Variants in ARHGAP26 observed in about 807,000 individuals in gnomAD.
ARHGAP26 encodes Rho GTPase activating protein 26, also known as rho GTPase-activating protein 26.
ARHGAP26 carries 38 observed loss-of-function variants against 104.8 expected under a neutral mutation model. That is an observed-to-expected ratio of 0.36 (90% CI 0.28 to 0.48). The LOEUF is 0.48. Among genes scored for constraint, ARHGAP26 ranks in the 20% least tolerant of loss-of-function variants. The pLI is 0.99. For synonymous variants in ARHGAP26, 341 were observed against 340.0 expected (o/e 1.00, Z -0.03); for missense variants, 704 against 947.9 (o/e 0.74, Z 3.38).
chr5:143,180,104 G>A (rs1216009624), intron 20 of ARHGAP26, among the ~76,000 whole-genome samples: 1 of 152,082 alleles, frequency 6.6e-6, no homozygotes, highest in African/African-American at 2.4e-5. Flanking sequence ...ATTTCAGAGA[G>A]TCAGGTTTTA....
chr5:143,163,138 A>G (rs1367824280), intron 20 of ARHGAP26, among the ~76,000 whole-genome samples: 1 of 151,766 alleles, frequency 6.6e-6, no homozygotes, highest in East Asian at 1.9e-4. Context: ...AAAAGACACT[A>G]TTCGAGGCAC....
Position 143,223,460 on chromosome 5 carries a change from T to C in ARHGAP26, c.*1014T>C. 3 of 231,660 alleles carry C rather than the reference T, an allele frequency of 1.3e-5. No individual in the cohort carries two copies. The highest frequency in any genetic ancestry group is 2.6e-5 in the Non-Finnish European group (3 of 116,778). 14.4% of individuals were successfully genotyped at this position (231,660 alleles called of 1,614,324 possible). A position where few individuals can be genotyped will look rare whatever the true frequency, so the allele number is the denominator to read the frequency against. On this transcript the variant is annotated 3_prime_UTR_variant, in exon 23 of 23. Coordinates refer to ENST00000645722, the MANE Select transcript of ARHGAP26 (RefSeq NM_001135608.3). Reference sequence around the variant, plus strand: ...GTTCCTCCATGCAACTGATGTTTGTTTTTTAAAGGGTAAGATGCTGCCTCC... The same window carrying C: ...GTTCCTCCATGCAACTGATGTTTGTCTTTTAAAGGGTAAGATGCTGCCTCC...
At chr5:143,110,270 G>C (rs1200889892) in intron 17 of ARHGAP26, among the ~76,000 whole-genome samples, 1 of 152,210 alleles carries the variant, frequency 6.6e-6, no homozygotes, top group Non-Finnish European at 1.5e-5. Context: ...TCTAAGGCAG[G>C]AAACTGGAGG....
At chr5:143,158,868 A>T (rs1800840298) in intron 20 of ARHGAP26, among the ~76,000 whole-genome samples, 1 of 146,054 alleles carries the variant, frequency 6.8e-6, no homozygotes, top group Admixed American at 6.8e-5. Flanking sequence ...CCAAGATGTT[A>T]TTGTCCACAA....
chr5:142,801,078 A>G (rs143293441), intron 1 of ARHGAP26, among the ~76,000 whole-genome samples: 2 of 152,088 alleles, frequency 1.3e-5, no homozygotes, highest in Non-Finnish European at 2.9e-5. Context: ...AGGCATCTTT[A>G]ACTGCATGAT....
intron 17 of ARHGAP26, among the ~76,000 whole-genome samples, chr5:143,065,423 C>A (rs191011422): frequency 9.2e-5 from 14 of 152,106 alleles, no homozygotes; most frequent in Non-Finnish European, 1.8e-4. Flanking sequence ...GTGGCTGAAA[C>A]GTGGCAGCTG....
At chr5:143,009,077 C>T (rs140612062) in intron 11 of ARHGAP26, among the ~76,000 whole-genome samples, 4 of 152,190 alleles carry the variant, frequency 2.6e-5, no homozygotes, top group South Asian at 2.1e-4. Context: ...TACTCTCCCC[C>T]CCTGGTGTTT....
rs1178904042 is a variant in ARHGAP26 at position 143,224,521 on chromosome 5, T to C, written c.*2075T>C. 4.3e-6 allele frequency: 1 copy of C among 230,858 alleles called. No individual in the cohort carries two copies. Among genetic ancestry groups the C allele is most frequent in the African/African-American group, 2.2e-5 (1 of 45,228 alleles). The allele number at this position is 230,858 out of a possible 1,614,324, so 14.3% of individuals were successfully genotyped here. ...AAGTGGGGTCAGGCATTCGAGTTTT[T>C]GTCTTTCTTCTCAGGTGTATTTCTT... On this transcript the variant is annotated 3_prime_UTR_variant, in exon 23 of 23. Transcript: ENST00000645722.
chr5:142,781,248 C>T (rs1757442127), intron 1 of ARHGAP26, among the ~76,000 whole-genome samples: 1 of 152,182 alleles, frequency 6.6e-6, no homozygotes, highest in African/African-American at 2.4e-5. Context: ...GTTATTTTTG[C>T]CCCACCTCAC....
intron 20 of ARHGAP26, among the ~76,000 whole-genome samples, chr5:143,175,630 G>C (rs1006135981): frequency 1.3e-5 from 2 of 151,878 alleles, no homozygotes; most frequent in Admixed American, 6.6e-5. Flanking sequence ...TCAACACCTG[G>C]TCTAGAAGTT....
At chr5:142,810,395 G>A (rs1398499364) in intron 1 of ARHGAP26, among the ~76,000 whole-genome samples, 1 of 152,084 alleles carries the variant, frequency 6.6e-6, no homozygotes, top group African/African-American at 2.4e-5. Context: ...TCAGGCAGAG[G>A]GCATGACTTC....
At chr5:142,784,439 A>G (rs1175671401) in intron 1 of ARHGAP26, among the ~76,000 whole-genome samples, 1 of 152,200 alleles carries the variant, frequency 6.6e-6, no homozygotes, top group Non-Finnish European at 1.5e-5. Context: ...CGTAATTTGT[A>G]CATGAAGATG....
chr5:143,011,904 G>A (rs1055362966), intron 11 of ARHGAP26, among the ~76,000 whole-genome samples: 2 of 152,160 alleles, frequency 1.3e-5, no homozygotes, highest in African/African-American at 4.8e-5. Flanking sequence ...CAAAGCGCTT[G>A]CATTGTGTTG....
At chr5:142,841,158 G>C (rs939801195) in intron 1 of ARHGAP26, among the ~76,000 whole-genome samples, 2 of 152,044 alleles carry the variant, frequency 1.3e-5, no homozygotes, top group Admixed American at 1.3e-4. Flanking sequence ...TATCAGCCTC[G>C]GGGGTCTGGG....
chr5:142,806,920 C>T (rs1345582032), intron 1 of ARHGAP26, among the ~76,000 whole-genome samples: 2 of 152,172 alleles, frequency 1.3e-5, no homozygotes, highest in South Asian at 2.1e-4. Flanking sequence ...GGAGGCTCTG[C>T]ACCAACTGTA....
At chr5:142,782,100 C>T (rs1757633530) in intron 1 of ARHGAP26, among the ~76,000 whole-genome samples, 1 of 152,164 alleles carries the variant, frequency 6.6e-6, no homozygotes, top group African/African-American at 2.4e-5. Flanking sequence ...GAAGGGATGA[C>T]AGAGGAGTTA....
At chr5:142,901,836 T>A (rs1760385141) in intron 6 of ARHGAP26, 99 bp from the exon 7 acceptor site, 2 of 916,582 alleles carry the variant, frequency 2.2e-6, no homozygotes, top group Admixed American at 4.6e-5. Flanking sequence ...TTATTCTTTA[T>A]TTTAGACTTT....
At chr5:142,915,353 CTT>C (rs1302839708) in intron 10 of ARHGAP26, among the ~76,000 whole-genome samples, 4 of 139,174 alleles carry the variant, frequency 2.9e-5, no homozygotes, top group African/African-American at 2.6e-5. Context: ...TGAATCTCCT[CTT>C]TTTTTTTTTT....
In ARHGAP26 at chr5:143,214,107, C is replaced by A; in HGVS notation, c.2191+19C>A. 2.6e-6 allele frequency: 3 copies of A among 1,148,332 alleles called. No homozygotes were observed. The highest frequency in any genetic ancestry group is 3.7e-6 in the Non-Finnish European group (3 of 813,722). 71.1% of individuals were successfully genotyped at this position (1,148,332 alleles called of 1,614,324 possible). A position where few individuals can be genotyped will look rare whatever the true frequency, so the allele number is the denominator to read the frequency against. On this transcript the variant is annotated intron_variant, in intron 22 of 22. Coordinates refer to ENST00000645722, the MANE Select transcript of ARHGAP26 (RefSeq NM_001135608.3). ...GATAACGGTGAGTTTCTCATCCCCT[C>A]ACAAAGATATGGGCGGGGGGCGGGG... is the stretch of plus-strand genomic sequence containing the variant.
Sources: gnomAD v4.1 joint callset for allele counts (sites outside exome capture counted in the v4.1 genomes callset) on GRCh38, gnomAD v4.1.1 for gene constraint, MANE v1.5 for transcripts, NCBI Gene and HGNC (gene_info 2026-07-23, HGNC 2026-07-21) for gene names.